The following TRIM44 variants were observed in gnomAD, a reference collection of about 807,000 sequenced individuals.
TRIM44 encodes the protein tripartite motif containing 44, also known as tripartite motif-containing protein 44.
Under a neutral mutation model 37.4 loss-of-function variants are expected in TRIM44, and 13 were observed. That is an observed-to-expected ratio of 0.35 (90% CI 0.23 to 0.55). TRIM44 has a LOEUF of 0.55. Among genes scored for constraint, TRIM44 ranks in the 20% least tolerant of loss-of-function variants. The pLI is 0.89. For missense variants in TRIM44, 426 were observed against 437.2 expected (o/e 0.97, Z 0.23); for synonymous variants, 175 against 157.2 (o/e 1.11, Z -0.85).
In TRIM44 at chr11:35,725,086, A is replaced by T. The variant is rs1002738825; in HGVS notation, c.748-838A>T. Among the ~76,000 whole-genome samples the T allele has an allele frequency of 3.9e-5, 6 of 151,980 alleles. No homozygotes were observed. The East Asian group carries it at 7.7e-4, about 20-fold the overall frequency. On this transcript the variant is annotated intron_variant, in intron 2 of 4. Transcript: ENST00000299413. ...CACACTCACACACACACACACACACACACACACACACACACACACCCTCCA... is the reference window on the plus strand; with the variant it reads ...CACACTCACACACACACACACACACTCACACACACACACACACACCCTCCA...
At chr11:35,736,091 C>T (rs1852323781) in intron 4 of TRIM44, among the ~76,000 whole-genome samples, 1 of 152,110 alleles carries the variant, frequency 6.6e-6, no homozygotes, top group Non-Finnish European at 1.5e-5. Flanking sequence ...AAAGCTACAG[C>T]TGTGTCATCA....
chr11:35,775,219 C>T (rs975622412), intron 4 of TRIM44, among the ~76,000 whole-genome samples: 54 of 152,218 alleles, frequency 3.5e-4, no homozygotes, highest in Non-Finnish European at 7.2e-4. Flanking sequence ...GTATTTTATT[C>T]TCTTTGAAGC....
intron 4 of TRIM44, among the ~76,000 whole-genome samples, chr11:35,738,323 T>C (rs1238843175): frequency 6.6e-6 from 1 of 152,082 alleles, no homozygotes; most frequent in Non-Finnish European, 1.5e-5. Context: ...TGCAGATACC[T>C]TTGTATCATT....
intron 4 of TRIM44, among the ~76,000 whole-genome samples, chr11:35,752,376 A>G (rs1325158213): frequency 1.3e-5 from 2 of 151,898 alleles, no homozygotes; most frequent in Non-Finnish European, 1.5e-5. Context: ...CATTCTTCAC[A>G]TAGAAGCTAG....
chr11:35,801,004 C>T (rs551435172), intron 4 of TRIM44, among the ~76,000 whole-genome samples: 19 of 152,276 alleles, frequency 1.2e-4, no homozygotes, highest in African/African-American at 4.3e-4. Context: ...TTGTAAAGTT[C>T]AGATCCCTTA....
At chr11:35,717,064 A>G (rs985235122) in intron 2 of TRIM44, among the ~76,000 whole-genome samples, 2 of 152,204 alleles carry the variant, frequency 1.3e-5, no homozygotes, top group African/African-American at 4.8e-5. Context: ...TGGTTTGGAT[A>G]ATAGAAATGT....
chr11:35,777,142 T>C (rs1332995068), intron 4 of TRIM44, among the ~76,000 whole-genome samples: 1 of 152,226 alleles, frequency 6.6e-6, no homozygotes, highest in African/African-American at 2.4e-5. Context: ...GGTGCTCCTG[T>C]ATTGGGTGCA....
intron 1 of TRIM44, among the ~76,000 whole-genome samples, chr11:35,685,051 A>C (rs1851558550): frequency 6.6e-6 from 1 of 152,208 alleles, no homozygotes; most frequent in East Asian, 1.9e-4. Flanking sequence ...CATTCCATAT[A>C]GTTGTGCCAG....
At chr11:35,731,969 C>G (rs1852266604) in intron 3 of TRIM44, among the ~76,000 whole-genome samples, 1 of 151,942 alleles carries the variant, frequency 6.6e-6, no homozygotes, top group African/African-American at 2.4e-5. Flanking sequence ...TTATAAGGTC[C>G]AATTTCAGAC....
intron 4 of TRIM44, among the ~76,000 whole-genome samples, chr11:35,802,231 G>C (rs2133884047): frequency 6.6e-6 from 1 of 152,252 alleles, no homozygotes; most frequent in South Asian, 2.1e-4. Flanking sequence ...TGAATTTGAA[G>C]TGTTAGATCG....
chr11:35,727,184 A>C (rs1852186987), intron 3 of TRIM44, among the ~76,000 whole-genome samples: 1 of 151,872 alleles, frequency 6.6e-6, no homozygotes, highest in African/African-American at 2.4e-5. Flanking sequence ...CAAAAAACTT[A>C]TATTTCAGCC....
chr11:35,721,683 G>C (rs1239797653), intron 2 of TRIM44, among the ~76,000 whole-genome samples: 1 of 152,154 alleles, frequency 6.6e-6, no homozygotes, highest in Admixed American at 6.5e-5. Context: ...ATACCCCATT[G>C]TAAAACCTGC....
At chr11:35,725,122 A>G (rs528541153) in intron 2 of TRIM44, among the ~76,000 whole-genome samples, 14 of 151,904 alleles carry the variant, frequency 9.2e-5, no homozygotes, top group Non-Finnish European at 2.1e-4. Flanking sequence ...TCTCCATATC[A>G]TACAGATAGT....
rs191740279 is a variant in TRIM44 at position 35,777,235 on chromosome 11, T to G, written c.1008-29123T>G. Among the ~76,000 whole-genome samples the G allele has an allele frequency of 1.4e-4, 22 of 152,326 alleles. No homozygotes were observed. In the East Asian group the frequency reaches 3.1e-3, roughly 21 times the overall value. ...TGGCCTTCTTTGTCTCTTTTGATCTTTGTTGGTTTAAAGTCTGTTTTATCA... is the reference window on the plus strand; with the variant it reads ...TGGCCTTCTTTGTCTCTTTTGATCTGTGTTGGTTTAAAGTCTGTTTTATCA... On this transcript the variant is annotated intron_variant, in intron 4 of 4. Transcript: ENST00000299413.
chr11:35,719,678 C>T (rs1852078402), intron 2 of TRIM44, among the ~76,000 whole-genome samples: 1 of 152,094 alleles, frequency 6.6e-6, no homozygotes, highest in Non-Finnish European at 1.5e-5. Context: ...TATAGTTTTG[C>T]ATTTTACATT....
Position 35,669,451 on chromosome 11 carries a change from A to G in TRIM44, c.669+5671A>G, listed in dbSNP as rs569611146. 1.6e-4 allele frequency among the ~76,000 whole-genome samples: 23 copies of G among 147,258 alleles called. 1 individual carries two copies. The East Asian group carries it at 4.5e-3, about 29-fold the overall frequency. On this transcript the variant is annotated intron_variant, in intron 1 of 4. Transcript: ENST00000299413. Reference sequence around the variant, plus strand: ...AGGGTCCCAAGTCTATATGGAAAGGATCCCCTTTATTTATTTATTTATTTA... The same window carrying G: ...AGGGTCCCAAGTCTATATGGAAAGGGTCCCCTTTATTTATTTATTTATTTA...
chr11:35,710,131 A>G (rs924913741), intron 2 of TRIM44, among the ~76,000 whole-genome samples: 17 of 152,190 alleles, frequency 1.1e-4, no homozygotes, highest in Admixed American at 5.9e-4. Context: ...TTACAGGCGC[A>G]TACTCCTAAA....
chr11:35,744,438 A>G (rs1035194189), intron 4 of TRIM44, among the ~76,000 whole-genome samples: 6 of 152,248 alleles, frequency 3.9e-5, no homozygotes, highest in African/African-American at 1.4e-4. Flanking sequence ...CAAACATCAC[A>G]TTGTATCCTA....
intron 2 of TRIM44, among the ~76,000 whole-genome samples, chr11:35,705,456 T>C (rs1032371233): frequency 3.3e-5 from 5 of 152,140 alleles, no homozygotes; most frequent in African/African-American, 1.2e-4. Flanking sequence ...CAACAGAATA[T>C]ACATTCTTTT....
Sources: allele counts gnomAD v4.1 joint callset (sites outside exome capture counted in the v4.1 genomes callset), GRCh38; gene constraint gnomAD v4.1.1; transcripts MANE v1.5; gene names NCBI Gene and HGNC (gene_info 2026-07-23, HGNC 2026-07-21).